Variants in COL19A1 observed in about 807,000 individuals in gnomAD.
The protein encoded by COL19A1 is collagen alpha-1(XIX) chain.
COL19A1 carries 159 observed loss-of-function variants against 190.2 expected under a neutral mutation model. That is an observed-to-expected ratio of 0.84 (90% CI 0.73 to 0.95). The LOEUF (loss-of-function observed/expected upper bound fraction) is 0.95, where lower values mean the gene tolerates loss of function less well. Ranked by LOEUF, COL19A1 falls within the 40% of genes least tolerant of loss-of-function variation. The probability of loss-of-function intolerance (pLI) is 0.00; values close to 1 mark genes in which losing one functional copy is unlikely to be tolerated. For synonymous variants in COL19A1, 509 were observed against 458.9 expected (o/e 1.11, Z -1.39); for missense variants, 1,418 against 1,431.9 (o/e 0.99, Z 0.16).
At chr6:69,951,590 C>T (rs1227308032) in intron 9 of COL19A1, among the ~76,000 whole-genome samples, 1 of 151,788 alleles carries the variant, frequency 6.6e-6, no homozygotes, top group African/African-American at 2.4e-5. Context: ...TTAAAACAAA[C>T]TAGATGTCAG....
chr6:69,876,791 T>G (rs2149939360), intron 1 of COL19A1, among the ~76,000 whole-genome samples: 1 of 152,278 alleles, frequency 6.6e-6, no homozygotes, highest in Admixed American at 6.5e-5. Flanking sequence ...AAAATTAATT[T>G]CTTTAACAGT....
chr6:70,199,146 C>T (rs1012226982), intron 48 of COL19A1, among the ~76,000 whole-genome samples: 5 of 152,208 alleles, frequency 3.3e-5, no homozygotes, highest in Non-Finnish European at 7.3e-5. Context: ...GTCTAGCCCC[C>T]ATTCAAAACT....
At chr6:70,102,090 A>G in intron 15 of COL19A1, 79 bp from the exon 16 acceptor site, 2 of 1,126,998 alleles carry the variant, frequency 1.8e-6, no homozygotes, top group Non-Finnish European at 2.7e-6. Flanking sequence ...ACTGTCTTCA[A>G]TATTCCCATT....
intron 1 of COL19A1, among the ~76,000 whole-genome samples, chr6:69,872,840 G>A (rs1416224643): frequency 6.6e-6 from 1 of 152,188 alleles, no homozygotes; most frequent in Non-Finnish European, 1.5e-5. Flanking sequence ...TGATTTTGGT[G>A]CTTTGTAGCA....
Position 69,921,450 on chromosome 6 carries a change from A to ATTCATATATAT in COL19A1, c.267-6458_267-6457insTCATATATATT, listed in dbSNP as rs368825990. On this transcript the variant is annotated intron_variant, in intron 4 of 50. Coordinates refer to ENST00000620364, the MANE Select transcript of COL19A1 (RefSeq NM_001858.6). ...ATCATATATATCATATATATCATAT[A>ATTCATATATAT]TCATATATATCATATATATTCATAT... Among the ~76,000 whole-genome samples the ATTCATATATAT allele has an allele frequency of 1.3e-3, 34 of 26,092 alleles. 1 individual carries two copies. The highest frequency in any genetic ancestry group is 2.3e-3 in the South Asian group (2 of 862). The allele number at this position is 26,092 out of a possible 152,430, so 17.1% of individuals were successfully genotyped here.
intron 12 of COL19A1, among the ~76,000 whole-genome samples, chr6:70,027,722 T>C (rs935271815): frequency 6.6e-6 from 1 of 152,190 alleles, no homozygotes; most frequent in African/African-American, 2.4e-5. Flanking sequence ...GCTAGAAAAT[T>C]TAACCTTGAA....
At chr6:70,151,287 C>T (rs1161130867) in intron 30 of COL19A1, 110 bp from the exon 31 acceptor site, 1 of 995,970 alleles carries the variant, frequency 1.0e-6, no homozygotes, top group East Asian at 2.5e-5. Flanking sequence ...AGTGAGACAC[C>T]AGAAGCTTCA....
At chr6:70,148,446 T>TG (rs1270019371) in intron 27 of COL19A1, among the ~76,000 whole-genome samples, 1 of 152,166 alleles carries the variant, frequency 6.6e-6, no homozygotes, top group Non-Finnish European at 1.5e-5. Context: ...TGCCAGGAAC[T>TG]GGGGGCAGAG....
At chr6:69,947,026 T>G (rs145873893) in intron 9 of COL19A1, among the ~76,000 whole-genome samples, 1,826 of 151,972 alleles carry the variant, frequency 0.012, 13 homozygotes, top group Non-Finnish European at 0.019. Context: ...AGAGACTGTA[T>G]GGCCCACAAA....
chr6:69,997,838 C>G (rs759444794), intron 11 of COL19A1, among the ~76,000 whole-genome samples: 1 of 151,996 alleles, frequency 6.6e-6, no homozygotes, highest in Non-Finnish European at 1.5e-5. Context: ...CCAAACACTT[C>G]TGAAATTTGA....
chr6:70,131,674 A>T (rs937924818), intron 18 of COL19A1, among the ~76,000 whole-genome samples: 1 of 146,362 alleles, frequency 6.8e-6, no homozygotes, highest in African/African-American at 2.8e-5. Flanking sequence ...CTAAGGGGAA[A>T]AAAAAGGAAA....
At position 69,921,722 on chromosome 6, in the gene COL19A1, ATATATTCG is replaced by A. The variant is rs1771964402; in HGVS notation, c.267-6183_267-6176del. ...CGTATATATTCGTATGTAGATTCGT[ATATATTCG>A]TATGTAGATTCGTATATGTATATTC... is the stretch of plus-strand genomic sequence containing the variant. On this transcript the variant is annotated intron_variant, in intron 4 of 50. Transcript: ENST00000620364. 1.6e-5 allele frequency among the ~76,000 whole-genome samples: 2 copies of A among 126,594 alleles called. 1 individual carries two copies. The highest frequency in any genetic ancestry group is 5.2e-4 in the South Asian group (2 of 3,818). 83.1% of individuals were successfully genotyped at this position (126,594 alleles called of 152,430 possible). A position where few individuals can be genotyped will look rare whatever the true frequency, so the allele number is the denominator to read the frequency against.
Position 70,207,363 on chromosome 6 carries a change from G to A in COL19A1, c.*89G>A. The A allele has an allele frequency of 7.3e-6, 3 of 409,324 alleles. No homozygotes were observed. Among genetic ancestry groups the A allele is most frequent in the Non-Finnish European group, 9.8e-6 (3 of 305,094 alleles). 25.4% of individuals were successfully genotyped at this position (409,324 alleles called of 1,614,324 possible). A position where few individuals can be genotyped will look rare whatever the true frequency, so the allele number is the denominator to read the frequency against. On this transcript the variant is annotated 3_prime_UTR_variant, in exon 51 of 51. Coordinates refer to ENST00000620364, the MANE Select transcript of COL19A1 (RefSeq NM_001858.6). The stretch of plus-strand genomic sequence containing the variant: ...GTCAAACCCTCATCATCTGTGGGTT[G>A]CTTTTTTTTTTTTTTTTTTTTTTTG...
chr6:69,955,477 AC>A (rs1349459729), intron 9 of COL19A1, among the ~76,000 whole-genome samples: 1 of 151,420 alleles, frequency 6.6e-6, no homozygotes, highest in East Asian at 1.9e-4. Flanking sequence ...AAAAAGAAGC[AC>A]GTTGTATTAA....
chr6:70,020,134 T>C (rs1040819220), intron 11 of COL19A1, among the ~76,000 whole-genome samples: 4 of 152,104 alleles, frequency 2.6e-5, no homozygotes, highest in Non-Finnish European at 5.9e-5. Context: ...TTTCTTGTGG[T>C]AAATTGCCTG....
intron 15 of COL19A1, among the ~76,000 whole-genome samples, chr6:70,079,918 G>T (rs925975461): frequency 6.6e-6 from 1 of 152,020 alleles, no homozygotes; most frequent in Non-Finnish European, 1.5e-5. Context: ...CTGAAGCAAA[G>T]AAGTCTGTAA....
chr6:70,113,286 T>C lies in COL19A1; in HGVS notation c.1279-8594T>C, dbSNP rs539851040. Among the ~76,000 whole-genome samples, 17 of 152,342 alleles carry C rather than the reference T, an allele frequency of 1.1e-4. No homozygotes were observed. In the South Asian group the frequency reaches 3.5e-3, roughly 32 times the overall value. The stretch of plus-strand genomic sequence containing the variant: ...TAGGGGAAATTCCCAAAAGATGTCC[T>C]TGATAAATGCTTAAACCATTGTACT... On this transcript the variant is annotated intron_variant, in intron 16 of 50. Coordinates refer to ENST00000620364, the MANE Select transcript of COL19A1 (RefSeq NM_001858.6).
chr6:69,948,684 G>A (rs1200802243), intron 9 of COL19A1, among the ~76,000 whole-genome samples: 1 of 151,794 alleles, frequency 6.6e-6, no homozygotes, highest in African/African-American at 2.4e-5. Flanking sequence ...AGGGCAACGT[G>A]AAGGAACTGG....
chr6:69,960,054 G>C lies in COL19A1; in HGVS notation c.981+14G>C. 6.2e-7 allele frequency: 1 copy of C among 1,608,050 alleles called. No individual in the cohort carries two copies. The highest frequency in any genetic ancestry group is 8.5e-7 in the Non-Finnish European group (1 of 1,177,450). On this transcript the variant is annotated intron_variant, in intron 10 of 50. Coordinates refer to ENST00000620364, the MANE Select transcript of COL19A1 (RefSeq NM_001858.6). ...CCTGGTCAAAAGGTAAAGAGTTCTTGAATGTTTCATCTGAGTTAAGAATTT... is the reference window on the plus strand; with the variant it reads ...CCTGGTCAAAAGGTAAAGAGTTCTTCAATGTTTCATCTGAGTTAAGAATTT...
Sources: gnomAD v4.1 joint callset for allele counts (sites outside exome capture counted in the v4.1 genomes callset) on GRCh38, gnomAD v4.1.1 for gene constraint, MANE v1.5 for transcripts, NCBI Gene and HGNC (gene_info 2026-07-23, HGNC 2026-07-21) for gene names.